CCBE1: variants seen among roughly 807,000 people sequenced by gnomAD.
The protein encoded by CCBE1 is collagen and calcium binding EGF domains 1.
CCBE1 carries 37 observed loss-of-function variants against 50.0 expected under a neutral mutation model. The observed-to-expected ratio is 0.74, with a 90% CI of 0.57 to 0.97. The LOEUF is 0.97. Ranked by LOEUF, CCBE1 falls within the 50% of genes least tolerant of loss-of-function variation. CCBE1 has a pLI of 0.00. For missense variants in CCBE1, 538 were observed against 523.8 expected (o/e 1.03, Z -0.26); for synonymous variants, 234 against 203.7 (o/e 1.15, Z -1.27).
At position 59,676,655 on chromosome 18, in the gene CCBE1, CCTGCT is replaced by C. The variant is rs550744895; in HGVS notation, c.212+19969_212+19973del. On this transcript the variant is annotated intron_variant, in intron 2 of 10. Coordinates refer to ENST00000439986, the MANE Select transcript of CCBE1 (RefSeq NM_133459.4). ...CATACAAAAATGAGACAGATCAGCC[CCTGCT>C]CTGACATCTAGTCAGGAAAAGACAC... Among the ~76,000 whole-genome samples, 1,322 of 152,232 alleles carry C rather than the reference CCTGCT, an allele frequency of 8.7e-3. 10 individuals carry two copies. Among genetic ancestry groups the C allele is most frequent in the Non-Finnish European group, 0.015 (1,039 of 68,020 alleles).
At chr18:59,551,495 C>G (rs560083658) in intron 2 of CCBE1, among the ~76,000 whole-genome samples, 1 of 152,162 alleles carries the variant, frequency 6.6e-6, no homozygotes, top group Non-Finnish European at 1.5e-5. Context: ...AAGCACACCA[C>G]GATGCCACCA....
intron 2 of CCBE1, among the ~76,000 whole-genome samples, chr18:59,628,528 A>C (rs947707591): frequency 3.3e-5 from 5 of 152,188 alleles, no homozygotes; most frequent in Non-Finnish European, 5.9e-5. Context: ...GCTCCAGACC[A>C]ACAGGGCTGC....
intron 2 of CCBE1, among the ~76,000 whole-genome samples, chr18:59,596,711 C>T (rs370520471): frequency 6.6e-6 from 1 of 152,174 alleles, no homozygotes; most frequent in African/African-American, 2.4e-5. Context: ...TCCTGAGAAA[C>T]CTTCTGTCCA....
At chr18:59,547,835 T>C (rs1272590288) in intron 2 of CCBE1, among the ~76,000 whole-genome samples, 1 of 152,248 alleles carries the variant, frequency 6.6e-6, no homozygotes, top group Non-Finnish European at 1.5e-5. Flanking sequence ...AGGCTCTTCC[T>C]GCTTGGCTGC....
At chr18:59,539,974 T>C (rs917390113) in intron 2 of CCBE1, among the ~76,000 whole-genome samples, 5 of 152,220 alleles carry the variant, frequency 3.3e-5, no homozygotes, top group Admixed American at 2.0e-4. Flanking sequence ...ATTTGGTAAG[T>C]TCTCCCTACC....
chr18:59,685,341 C>T (rs1446049035), intron 2 of CCBE1, among the ~76,000 whole-genome samples: 1 of 152,098 alleles, frequency 6.6e-6, no homozygotes, highest in Non-Finnish European at 1.5e-5. Flanking sequence ...CTCAAACCAC[C>T]CCACACAGAA....
chr18:59,667,505 G>A (rs568554839), intron 2 of CCBE1, among the ~76,000 whole-genome samples: 1 of 152,306 alleles, frequency 6.6e-6, no homozygotes, highest in Admixed American at 6.5e-5. Context: ...GAAGGGGTAA[G>A]GGGAAAGAGC....
At chr18:59,456,100 C>T (rs1291139878) in intron 5 of CCBE1, among the ~76,000 whole-genome samples, 7 of 152,302 alleles carry the variant, frequency 4.6e-5, no homozygotes, top group South Asian at 4.2e-4. Context: ...TCTCTACCCA[C>T]GGAAGTCTGA....
chr18:59,492,022 A>G (rs912862210), intron 2 of CCBE1, among the ~76,000 whole-genome samples: 1 of 149,328 alleles, frequency 6.7e-6, no homozygotes, highest in African/African-American at 2.5e-5. Flanking sequence ...GCATGTGCCT[A>G]TAATCCCAGC....
intron 2 of CCBE1, among the ~76,000 whole-genome samples, chr18:59,651,255 G>T (rs1417438574): frequency 1.3e-5 from 2 of 152,198 alleles, no homozygotes; most frequent in African/African-American, 4.8e-5. Context: ...GCACCATGAA[G>T]CAAGTTGACA....
intron 2 of CCBE1, among the ~76,000 whole-genome samples, chr18:59,671,054 C>T (rs2054423128): frequency 6.6e-6 from 1 of 152,192 alleles, no homozygotes; most frequent in Non-Finnish European, 1.5e-5. Context: ...ACAACTTGGC[C>T]TCAAGCAAAG....
chr18:59,498,997 G>A (rs1389839150), intron 2 of CCBE1, among the ~76,000 whole-genome samples: 1 of 152,194 alleles, frequency 6.6e-6, no homozygotes, highest in African/African-American at 2.4e-5. Flanking sequence ...AAGATAAAGA[G>A]CAAATAGTGC....
intron 2 of CCBE1, among the ~76,000 whole-genome samples, chr18:59,493,336 G>C (rs189936982): frequency 3.9e-5 from 6 of 152,268 alleles, no homozygotes; most frequent in African/African-American, 1.4e-4. Context: ...ATGTAACACC[G>C]AAAGTAGGAT....
chr18:59,611,186 A>G (rs1383379237), intron 2 of CCBE1, among the ~76,000 whole-genome samples: 1 of 152,236 alleles, frequency 6.6e-6, no homozygotes, highest in Non-Finnish European at 1.5e-5. Context: ...ATCACACTGC[A>G]GCTCTTCCCT....
At chr18:59,446,803 C>T (rs1343923500) in intron 7 of CCBE1, among the ~76,000 whole-genome samples, 1 of 152,164 alleles carries the variant, frequency 6.6e-6, no homozygotes, top group Non-Finnish European at 1.5e-5. Context: ...ACCTGGAGGG[C>T]ATGTGGGTAC....
At chr18:59,639,115 A>T (rs1047614180) in intron 2 of CCBE1, among the ~76,000 whole-genome samples, 1 of 152,198 alleles carries the variant, frequency 6.6e-6, no homozygotes, top group Non-Finnish European at 1.5e-5. Flanking sequence ...CTCTAAAAAA[A>T]TTGAAAAATA....
chr18:59,535,521 C>T (rs8096301), intron 2 of CCBE1, among the ~76,000 whole-genome samples: 6 of 152,122 alleles, frequency 3.9e-5, no homozygotes, highest in African/African-American at 1.4e-4. Context: ...GTGCACACTA[C>T]CCCTGGCAGC....
intron 2 of CCBE1, among the ~76,000 whole-genome samples, chr18:59,528,502 C>T (rs1914917279): frequency 6.6e-6 from 1 of 152,190 alleles, no homozygotes. Flanking sequence ...CAGTTCTGTG[C>T]CCTTGCTGGA....
chr18:59,553,395 A>G (rs544575739), intron 2 of CCBE1, among the ~76,000 whole-genome samples: 16 of 152,338 alleles, frequency 1.1e-4, no homozygotes, highest in Non-Finnish European at 2.4e-4. Context: ...ATGCACAACC[A>G]AAGATTGCTA....
Sources: gnomAD v4.1 joint callset for allele counts (sites outside exome capture counted in the v4.1 genomes callset) on GRCh38, gnomAD v4.1.1 for gene constraint, MANE v1.5 for transcripts, NCBI Gene and HGNC (gene_info 2026-07-23, HGNC 2026-07-21) for gene names.